SYNE1: variants seen among roughly 807,000 people sequenced by gnomAD.
SYNE1 encodes the protein nesprin-1.
SYNE1 carries 616 observed loss-of-function variants against 1,111.0 expected under a neutral mutation model. The observed-to-expected ratio is 0.55, with a 90% confidence interval of 0.52 to 0.59. The LOEUF is 0.59. Among genes scored for constraint, SYNE1 ranks in the 20% least tolerant of loss-of-function variants. SYNE1 has a pLI of 0.00. For missense variants in SYNE1, 10,006 were observed against 10,417.0 expected (o/e 0.96, Z 1.72); for synonymous variants, 3,855 against 3,825.8 (o/e 1.01, Z -0.28).
intron 87 of SYNE1, 119 bp downstream of exon 87, chr6:152,316,730 C>T: frequency 8.4e-7 from 1 of 1,194,916 alleles, no homozygotes; most frequent in South Asian, 1.3e-5. Context: ...CCTTAGCATT[C>T]TTTTTATCTG....
chr6:152,202,505 T>C (rs1326761915), intron 126 of SYNE1, among the ~76,000 whole-genome samples: 1 of 152,064 alleles, frequency 6.6e-6, no homozygotes, highest in Non-Finnish European at 1.5e-5. Context: ...ACTATCTGTG[T>C]GGCTTTAAGC....
intron 127 of SYNE1, among the ~76,000 whole-genome samples, chr6:152,190,695 C>G (rs2072009104): frequency 6.6e-6 from 1 of 152,142 alleles, no homozygotes; most frequent in Non-Finnish European, 1.5e-5. Flanking sequence ...ATTAACCATC[C>G]TCATCACCCC....
intron 127 of SYNE1, among the ~76,000 whole-genome samples, chr6:152,200,180 A>G (rs1477559799): frequency 6.6e-6 from 1 of 152,170 alleles, no homozygotes; most frequent in Non-Finnish European, 1.5e-5. Context: ...CCCTTAAACG[A>G]GTCAGTGTGG....
At chr6:152,172,330 C>A (rs2635469) in intron 130 of SYNE1, among the ~76,000 whole-genome samples, 1 of 151,924 alleles carries the variant, frequency 6.6e-6, no homozygotes, top group Non-Finnish European at 1.5e-5. Flanking sequence ...ATGAGTTATA[C>A]GGCATGTGGA....
intron 39 of SYNE1, among the ~76,000 whole-genome samples, chr6:152,420,330 A>G (rs1230139596): frequency 6.6e-6 from 1 of 152,188 alleles, no homozygotes; most frequent in Non-Finnish European, 1.5e-5. Context: ...CTAAGAAAAA[A>G]CTTCCATGGC....
intron 52 of SYNE1, among the ~76,000 whole-genome samples, chr6:152,390,912 T>C (rs1161111049): frequency 1.3e-5 from 2 of 152,126 alleles, no homozygotes; most frequent in Non-Finnish European, 2.9e-5. Context: ...CGGACTGTAT[T>C]GAAAGTAACA....
At chr6:152,306,356 T>G (rs1273207231) in intron 91 of SYNE1, among the ~76,000 whole-genome samples, 1 of 151,682 alleles carries the variant, frequency 6.6e-6, no homozygotes, top group Non-Finnish European at 1.5e-5. Flanking sequence ...CATGGTGATG[T>G]GCGCCTGTAA....
In SYNE1 at chr6:152,471,301, G is replaced by T. The variant is rs575884247; in HGVS notation, c.1632+296C>A. Among the ~76,000 whole-genome samples, 55 of 152,258 alleles carry T rather than the reference G, an allele frequency of 3.6e-4. No homozygotes were observed. In the South Asian group the frequency reaches 0.011, roughly 31 times the overall value. On this transcript the variant is annotated intron_variant, in intron 16 of 145. Coordinates refer to ENST00000367255, the MANE Select transcript of SYNE1 (RefSeq NM_182961.4). ...GACCTCCAATAAAAAATGTGGGTATGCAATACAAAAACTTTTTTTAAAAAT... is the reference window on the plus strand; with the variant it reads ...GACCTCCAATAAAAAATGTGGGTATTCAATACAAAAACTTTTTTTAAAAAT...
intron 3 of SYNE1, among the ~76,000 whole-genome samples, chr6:152,600,239 G>A (rs575203769): frequency 2.0e-5 from 3 of 152,278 alleles, no homozygotes; most frequent in Non-Finnish European, 4.4e-5. Flanking sequence ...AGAGGCTAAG[G>A]AACAGTTGCC....
intron 131 of SYNE1, among the ~76,000 whole-genome samples, chr6:152,156,969 A>C (rs183684823): frequency 3.9e-4 from 59 of 152,216 alleles, no homozygotes; most frequent in African/African-American, 1.4e-3. Flanking sequence ...CTGGGATTAC[A>C]GGTACCCGCC....
chr6:152,149,578 C>T lies in SYNE1; in HGVS notation c.24541G>A (p.Asp8181Asn). ...AGTTCCTCCTCGATGATCGCTGCAT[C>T]CAAGGGCTCACTCTTTTCTATCAGC... ...EQLIEKSEPLDAAIIEEELDE... is the reference protein window; with the variant it reads ...EQLIEKSEPLNAAIIEEELDE... The change falls in exon 136 of 146, where the codon GAT (aspartate) becomes AAT (asparagine). Residue 8181 changes from aspartate (D) to asparagine (N), a missense_variant. By Grantham distance (23) the Asp-to-Asn change is conservative. Coordinates refer to ENST00000367255, the MANE Select transcript of SYNE1 (RefSeq NM_182961.4). 11 of 1,614,144 alleles carry T rather than the reference C, an allele frequency of 6.8e-6. No homozygotes were observed. The highest frequency in any genetic ancestry group is 8.5e-6 in the Non-Finnish European group (10 of 1,180,034).
intron 18 of SYNE1, chr6:152,464,975 A>G (rs2098755727): frequency 6.4e-6 from 3 of 468,238 alleles, no homozygotes; most frequent in Admixed American, 3.5e-5. Context: ...CAGGAAATCC[A>G]TGAAGGCTGG....
chr6:152,445,718 C>CT (rs111707997), intron 29 of SYNE1, among the ~76,000 whole-genome samples: 9,654 of 151,398 alleles, frequency 0.064, 339 homozygotes, highest in African/African-American at 0.069. Context: ...CACCCACAGT[C>CT]TTTTTTTTTC....
chr6:152,627,620 G>T (rs1337868800), intron 3 of SYNE1, among the ~76,000 whole-genome samples: 1 of 152,090 alleles, frequency 6.6e-6, no homozygotes, highest in East Asian at 1.9e-4. Flanking sequence ...TAGTGCTACT[G>T]CCCTCCAGCC....
intron 121 of SYNE1, among the ~76,000 whole-genome samples, chr6:152,216,439 T>G (rs1251557958): frequency 6.6e-6 from 1 of 152,206 alleles, no homozygotes; most frequent in East Asian, 1.9e-4. Context: ...CAGTGGAGAC[T>G]TTCCTAAGAG....
intron 127 of SYNE1, among the ~76,000 whole-genome samples, chr6:152,193,837 C>G (rs2073283912): frequency 6.6e-6 from 1 of 151,704 alleles, no homozygotes; most frequent in Non-Finnish European, 1.5e-5. Flanking sequence ...CGGTGAAACC[C>G]TGTCTCTACT....
At chr6:152,235,281 GGT>G (rs757849268) in intron 110 of SYNE1, among the ~76,000 whole-genome samples, 74 of 152,136 alleles carry the variant, frequency 4.9e-4, no homozygotes, top group Non-Finnish European at 9.4e-4. Flanking sequence ...TCAAAGGTAA[GGT>G]GCCTTATGCA....
intron 4 of SYNE1, among the ~76,000 whole-genome samples, chr6:152,528,655 C>T (rs1419472736): frequency 6.6e-6 from 1 of 152,140 alleles, no homozygotes; most frequent in African/African-American, 2.4e-5. Context: ...TGGATCTTGA[C>T]TTAATGGAAA....
intron 140 of SYNE1, 59 bp from the exon 141 acceptor site, chr6:152,136,877 T>G: frequency 6.4e-7 from 1 of 1,571,876 alleles, no homozygotes. Context: ...TATTTTCCCT[T>G]GAAAATGTTT....
Sources: gnomAD v4.1 joint callset for allele counts (sites outside exome capture counted in the v4.1 genomes callset) on GRCh38, gnomAD v4.1.1 for gene constraint, MANE v1.5 for transcripts, NCBI Gene and HGNC (gene_info 2026-07-23, HGNC 2026-07-21) for gene names.